PALLD: variants seen among roughly 807,000 people sequenced by gnomAD.
PALLD encodes palladin.
A neutral mutation model predicts 123.5 loss-of-function variants in PALLD; 61 were observed. That is an observed-to-expected ratio of 0.49 (90% CI 0.40 to 0.61). The LOEUF (loss-of-function observed/expected upper bound fraction) is 0.61, where lower values mean the gene tolerates loss of function less well. Among genes scored for constraint, PALLD ranks in the 20% least tolerant of loss-of-function variants. PALLD has a pLI of 0.00. For missense variants in PALLD, 1,273 were observed against 1,377.0 expected, an observed-to-expected ratio of 0.92 and a Z score of 1.20; for synonymous variants, 465 against 496.4, an observed-to-expected ratio of 0.94 and a Z score of 0.84.
intron 2 of PALLD, among the ~76,000 whole-genome samples, chr4:168,662,905 A>G (rs1450643132): frequency 6.6e-6 from 1 of 152,230 alleles, no homozygotes; most frequent in Admixed American, 6.5e-5. Flanking sequence ...TTAATCAGCT[A>G]CATGAAGAGT....
At chr4:168,879,328 A>G (rs1366778237) in intron 10 of PALLD, among the ~76,000 whole-genome samples, 1 of 152,218 alleles carries the variant, frequency 6.6e-6, no homozygotes, top group Non-Finnish European at 1.5e-5. Context: ...TTGGTTGAAG[A>G]GTAAAATGAG....
At position 168,825,266 on chromosome 4, in the gene PALLD, T is replaced by C. The variant is rs183144504; in HGVS notation, c.1965-65656T>C. Among the ~76,000 whole-genome samples the C allele has an allele frequency of 3.4e-3, 521 of 152,340 alleles. 7 individuals carry two copies. Among genetic ancestry groups the C allele is most frequent in the African/African-American group, 0.012 (502 of 41,584 alleles). On this transcript the variant is annotated intron_variant, in intron 10 of 21. Coordinates refer to ENST00000505667, the MANE Select transcript of PALLD (RefSeq NM_001166108.2). The stretch of plus-strand genomic sequence containing the variant: ...TGGAATATTTGACTTCTCCTTATTC[T>C]CTCTCTTCTCTCTCTCTTCTCATTC...
intron 2 of PALLD, chr4:168,598,215 C>A: frequency 2.7e-6 from 1 of 371,650 alleles, no homozygotes. Context: ...TAGTCCATGC[C>A]AGCCTCCAAA....
chr4:168,536,631 G>A (rs1198676655), intron 2 of PALLD: 2 of 152,142 alleles, frequency 1.3e-5, no homozygotes, highest in Admixed American at 6.6e-5. Context: ...GCAAAGCGAG[G>A]AAGAGCCCCT....
intron 9 of PALLD, among the ~76,000 whole-genome samples, chr4:168,711,053 G>A (rs910679419): frequency 3.3e-5 from 5 of 152,066 alleles, no homozygotes; most frequent in Admixed American, 1.3e-4. Flanking sequence ...AATCTCTTTC[G>A]TACTGAGTTA....
At chr4:168,682,397 A>G (rs949913448) in intron 4 of PALLD, among the ~76,000 whole-genome samples, 2 of 152,214 alleles carry the variant, frequency 1.3e-5, no homozygotes, top group African/African-American at 4.8e-5. Flanking sequence ...GTGAAGTTAC[A>G]TGGCTTGCTT....
chr4:168,726,033 A>T (rs1316861038), intron 10 of PALLD, among the ~76,000 whole-genome samples: 3 of 152,166 alleles, frequency 2.0e-5, no homozygotes, highest in Non-Finnish European at 2.9e-5. Flanking sequence ...TTTTTATTCT[A>T]TCACAAAACA....
chr4:168,858,787 A>G (rs975786309), intron 10 of PALLD, among the ~76,000 whole-genome samples: 31 of 93,774 alleles, frequency 3.3e-4, no homozygotes, highest in South Asian at 2.8e-3. Context: ...GTCTCAAAAA[A>G]AATAAAAATT....
intron 8 of PALLD, among the ~76,000 whole-genome samples, chr4:168,704,918 AT>A (rs1043461718): frequency 2.0e-5 from 3 of 151,710 alleles, no homozygotes; most frequent in Non-Finnish European, 4.4e-5. Flanking sequence ...TATTTGGTCA[AT>A]TTTTTAAAAT....
chr4:168,573,441 T>C (rs986432124), intron 2 of PALLD, among the ~76,000 whole-genome samples: 4 of 152,124 alleles, frequency 2.6e-5, no homozygotes, highest in Admixed American at 6.6e-5. Context: ...CTTTCCCAAT[T>C]CTATACCCCC....
intron 10 of PALLD, among the ~76,000 whole-genome samples, chr4:168,729,353 G>A (rs898718182): frequency 2.0e-5 from 3 of 151,568 alleles, no homozygotes; most frequent in Admixed American, 1.3e-4. Flanking sequence ...TTTTAGAGAC[G>A]GGGTCTTGCT....
intron 18 of PALLD, among the ~76,000 whole-genome samples, chr4:168,922,102 TACACA>T (rs1761680615): frequency 4.5e-5 from 6 of 132,604 alleles, no homozygotes; most frequent in Non-Finnish European, 9.4e-5. Flanking sequence ...TATATATATA[TACACA>T]CACACACACA....
At chr4:168,717,092 A>T (rs1785434442) in intron 10 of PALLD, among the ~76,000 whole-genome samples, 1 of 152,098 alleles carries the variant, frequency 6.6e-6, no homozygotes, top group South Asian at 2.1e-4. Context: ...TATTTCCGAC[A>T]GTTACTTGCT....
At chr4:168,820,635 C>G (rs1742579901) in intron 10 of PALLD, among the ~76,000 whole-genome samples, 1 of 152,008 alleles carries the variant, frequency 6.6e-6, no homozygotes, top group Non-Finnish European at 1.5e-5. Flanking sequence ...CATGAACTTG[C>G]ATTACTTCAG....
chr4:168,587,714 T>A (rs1770977553), intron 2 of PALLD, among the ~76,000 whole-genome samples: 1 of 152,120 alleles, frequency 6.6e-6, no homozygotes. Context: ...CTACTAAGAC[T>A]AAGGATTTCA....
At chr4:168,753,428 G>A (rs1292861857) in intron 10 of PALLD, among the ~76,000 whole-genome samples, 4 of 148,396 alleles carry the variant, frequency 2.7e-5, no homozygotes, top group African/African-American at 7.5e-5. Context: ...CTTCTGAGTT[G>A]GGAGGGATTT....
chr4:168,719,636 G>A (rs548087286), intron 10 of PALLD, among the ~76,000 whole-genome samples: 61 of 152,212 alleles, frequency 4.0e-4, no homozygotes, highest in Admixed American at 6.5e-4. Context: ...TTATATATTT[G>A]CCTGTCACAG....
At chr4:168,607,596 T>G (rs1773314163) in intron 2 of PALLD, among the ~76,000 whole-genome samples, 1 of 152,214 alleles carries the variant, frequency 6.6e-6, no homozygotes, top group Admixed American at 6.5e-5. Context: ...TTATTGGCAC[T>G]TTTGATTATT....
intron 10 of PALLD, among the ~76,000 whole-genome samples, chr4:168,834,182 A>G (rs1744771189): frequency 6.6e-6 from 1 of 151,916 alleles, no homozygotes; most frequent in Non-Finnish European, 1.5e-5. Flanking sequence ...CTGTGTGAGG[A>G]GCATGGGGGA....
Sources: allele counts gnomAD v4.1 joint callset (sites outside exome capture counted in the v4.1 genomes callset), GRCh38; gene constraint gnomAD v4.1.1; transcripts MANE v1.5; gene names NCBI Gene and HGNC (gene_info 2026-07-23, HGNC 2026-07-21).